The following MTUS2 variants were observed in gnomAD, a reference collection of about 807,000 sequenced individuals.
The protein encoded by MTUS2 is microtubule associated scaffold protein 2, also known as microtubule-associated tumor suppressor candidate 2.
In MTUS2, 40 loss-of-function variants were observed where a neutral mutation model predicts 114.1. That is an observed-to-expected ratio of 0.35 (90% CI 0.27 to 0.46). The LOEUF is 0.46. Among genes scored for constraint, MTUS2 ranks in the 20% least tolerant of loss-of-function variants. The pLI is 1.00. For synonymous variants in MTUS2, 688 were observed against 672.0 expected (o/e 1.02, Z -0.37); for missense variants, 1,679 against 1,705.4 (o/e 0.98, Z 0.27).
intron 9 of MTUS2, among the ~76,000 whole-genome samples, chr13:29,447,122 A>C (rs1878341032): frequency 6.6e-6 from 1 of 152,134 alleles, no homozygotes; most frequent in Admixed American, 6.6e-5. Context: ...TCCAAAATAA[A>C]AAAAAATCAG....
chr13:29,492,832 T>A, intron 12 of MTUS2, 113 bp downstream of exon 12: 1 of 803,684 alleles, frequency 1.2e-6, no homozygotes, highest in Admixed American at 2.4e-5. Context: ...TACTAAACAA[T>A]AGAATATAAG....
intron 5 of MTUS2, among the ~76,000 whole-genome samples, chr13:29,256,381 G>T (rs1279128991): frequency 6.6e-6 from 1 of 152,220 alleles, no homozygotes. Flanking sequence ...GACACTGAAG[G>T]GGGCCAGGTG....
At chr13:28,909,833 T>G (rs1880292306) in intron 2 of MTUS2, among the ~76,000 whole-genome samples, 1 of 152,182 alleles carries the variant, frequency 6.6e-6, no homozygotes, top group African/African-American at 2.4e-5. Context: ...CAGGAAAGTC[T>G]CACGATACAA....
intron 3 of MTUS2, among the ~76,000 whole-genome samples, chr13:29,028,221 T>C (rs1028695676): frequency 1.3e-5 from 2 of 152,182 alleles, no homozygotes; most frequent in African/African-American, 4.8e-5. Context: ...TGTGGTGGCA[T>C]GTGCCTGTAG....
At chr13:29,314,376 C>T (rs542364434) in intron 6 of MTUS2, among the ~76,000 whole-genome samples, 28 of 151,900 alleles carry the variant, frequency 1.8e-4, no homozygotes, top group Admixed American at 3.9e-4. Flanking sequence ...GCTATTAAAC[C>T]CAGGGAAAAC....
At chr13:28,905,780 GGGA>G (rs1355084012) in intron 2 of MTUS2, among the ~76,000 whole-genome samples, 11 of 151,526 alleles carry the variant, frequency 7.3e-5, no homozygotes, top group Non-Finnish European at 1.5e-4. Flanking sequence ...AAATGAGTTA[GGGA>G]GGATTCCCTC....
intron 8 of MTUS2, among the ~76,000 whole-genome samples, chr13:29,423,891 T>A (rs1876303089): frequency 6.6e-6 from 1 of 150,562 alleles, no homozygotes; most frequent in Non-Finnish European, 1.5e-5. Context: ...TGAGATGGAG[T>A]CTCACTTTTG....
chr13:29,165,100 C>T (rs569119177), intron 5 of MTUS2, among the ~76,000 whole-genome samples: 2 of 152,218 alleles, frequency 1.3e-5, no homozygotes, highest in Non-Finnish European at 2.9e-5. Flanking sequence ...GGCTCTTCCT[C>T]CTCCCTGCTC....
At chr13:29,404,103 T>C (rs971982001) in intron 8 of MTUS2, among the ~76,000 whole-genome samples, 1 of 150,726 alleles carries the variant, frequency 6.6e-6, no homozygotes, top group Non-Finnish European at 1.5e-5. Context: ...AAAACACCGA[T>C]CTGACCATGT....
intron 10 of MTUS2, 64 bp from the exon 11 acceptor site, chr13:29,487,836 C>T (rs1436482346): frequency 5.4e-6 from 7 of 1,301,140 alleles, no homozygotes; most frequent in African/African-American, 4.4e-5. Flanking sequence ...TTTCCACTCA[C>T]GGAATTCCAC....
At chr13:29,471,699 G>A (rs192864081) in intron 9 of MTUS2, among the ~76,000 whole-genome samples, 290 of 150,770 alleles carry the variant, frequency 1.9e-3, no homozygotes, top group African/African-American at 6.7e-3. Context: ...TGGACAAGAG[G>A]AGAGGCTTCA....
intron 2 of MTUS2, among the ~76,000 whole-genome samples, chr13:29,018,621 G>A (rs1039310923): frequency 2.6e-4 from 40 of 152,148 alleles, no homozygotes; most frequent in Middle Eastern, 3.4e-3. Context: ...TTAGCTGGGC[G>A]TGGTGGCGTG....
chr13:29,045,905 A>C (rs1593417297), intron 4 of MTUS2, among the ~76,000 whole-genome samples: 1 of 152,214 alleles, frequency 6.6e-6, no homozygotes, highest in East Asian at 1.9e-4. Flanking sequence ...TCCCATCCCC[A>C]AAACAAAACA....
intron 2 of MTUS2, among the ~76,000 whole-genome samples, chr13:29,018,223 A>G (rs1022788760): frequency 2.0e-5 from 3 of 152,206 alleles, no homozygotes; most frequent in Non-Finnish European, 4.4e-5. Flanking sequence ...ATCTGGAAAC[A>G]TGTAGGCCCA....
chr13:29,100,970 C>A lies in MTUS2; in HGVS notation c.2644C>A (p.Arg882Ser). Residue 882 changes from arginine (R) to serine (S), a missense_variant and splice_region_variant, in exon 5 of 16, where the codon CGT becomes AGT. Transcript: ENST00000612955. The part of the protein sequence containing the change: ...AQPEQGRPAT[R>S]STFGNEEQPV... ...GCCAGAGCAGGGCCGGCCAGCCACC[C>A]GTAAGTGGGGTGGGGCAGGGTGGGG... The A allele has an allele frequency of 2.0e-6, 3 of 1,537,826 alleles. No homozygotes were observed. Among genetic ancestry groups the A allele is most frequent in the East Asian group, 2.4e-5 (1 of 41,628 alleles).
intron 5 of MTUS2, among the ~76,000 whole-genome samples, chr13:29,139,590 C>CT (rs1892129400): frequency 6.6e-6 from 1 of 151,972 alleles, no homozygotes; most frequent in African/African-American, 2.4e-5. Context: ...CAATTTGAGA[C>CT]AAAGAATTTT....
Position 28,966,811 on chromosome 13 carries a change from T to C in MTUS2, c.-242-57646T>C, listed in dbSNP as rs182993446. On this transcript the variant is annotated intron_variant, in intron 2 of 15. Coordinates refer to ENST00000612955, the MANE Select transcript of MTUS2 (RefSeq NM_001033602.4). Reference sequence around the variant, plus strand: ...CTGGGAAGGTTTAGCGTTGCAAACCTGGGCTTATACTCCATGAAAATAATA... The same window carrying C: ...CTGGGAAGGTTTAGCGTTGCAAACCCGGGCTTATACTCCATGAAAATAATA... Among the ~76,000 whole-genome samples the C allele has an allele frequency of 1.8e-4, 28 of 151,928 alleles. No homozygotes were observed. In the East Asian group the frequency reaches 3.5e-3, roughly 19 times the overall value.
chr13:28,901,588 A>G (rs1310041911), intron 2 of MTUS2, among the ~76,000 whole-genome samples: 1 of 152,188 alleles, frequency 6.6e-6, no homozygotes, highest in Non-Finnish European at 1.5e-5. Flanking sequence ...TTGATACACA[A>G]CAGCTCCAGC....
At chr13:28,844,639 C>T (rs886460554) in intron 2 of MTUS2, among the ~76,000 whole-genome samples, 18 of 134,626 alleles carry the variant, frequency 1.3e-4, no homozygotes, top group South Asian at 2.4e-4. Flanking sequence ...GAGAGAGAGA[C>T]GGAGTCTAAC....
Sources: allele counts gnomAD v4.1 joint callset (sites outside exome capture counted in the v4.1 genomes callset), GRCh38; gene constraint gnomAD v4.1.1; transcripts MANE v1.5; gene names NCBI Gene and HGNC (gene_info 2026-07-23, HGNC 2026-07-21).